The following DENND4C variants were observed in gnomAD, a reference collection of about 807,000 sequenced individuals.
DENND4C encodes the protein DENN domain containing 4C.
Under a neutral mutation model 203.0 loss-of-function variants are expected in DENND4C, and 108 were observed. The ratio of observed to expected loss-of-function variants is 0.53; its 90% CI spans 0.46 to 0.62. The LOEUF (loss-of-function observed/expected upper bound fraction) is 0.62, where lower values mean the gene tolerates loss of function less well. Ranked by LOEUF, DENND4C falls within the 20% of genes least tolerant of loss-of-function variation. The probability of loss-of-function intolerance (pLI) is 0.00; values close to 1 mark genes in which losing one functional copy is unlikely to be tolerated. For missense variants in DENND4C, 2,481 were observed against 2,301.2 expected, an observed-to-expected ratio of 1.08 and a Z score of -1.60; for synonymous variants, 871 against 792.4, an observed-to-expected ratio of 1.10 and a Z score of -1.67.
intron 10 of DENND4C, among the ~76,000 whole-genome samples, chr9:19,305,995 A>G (rs865833617): frequency 3.3e-5 from 5 of 152,222 alleles, no homozygotes; most frequent in South Asian, 2.1e-4. Flanking sequence ...ACTGCTTAGA[A>G]ATTTATATTA....
chr9:19,319,864 T>A (rs938564024), intron 12 of DENND4C, among the ~76,000 whole-genome samples: 1 of 152,198 alleles, frequency 6.6e-6, no homozygotes, highest in Non-Finnish European at 1.5e-5. Flanking sequence ...TAACAAGGAA[T>A]ATTAGTGTCC....
intron 27 of DENND4C, 142 bp from the exon 28 acceptor site, chr9:19,357,823 A>G (rs758906177): frequency 6.4e-5 from 43 of 670,408 alleles, no homozygotes; most frequent in Non-Finnish European, 9.4e-5. Context: ...GGTTGAAGGA[A>G]ATGCAATTCT....
At chr9:19,282,315 G>T (rs1463155185) in intron 2 of DENND4C, among the ~76,000 whole-genome samples, 5 of 149,984 alleles carry the variant, frequency 3.3e-5, no homozygotes, top group Non-Finnish European at 7.4e-5. Flanking sequence ...GAGTGTAGTG[G>T]TATAGTCTAG....
intron 1 of DENND4C, among the ~76,000 whole-genome samples, chr9:19,267,004 A>G (rs1343227821): frequency 6.6e-6 from 1 of 152,052 alleles, no homozygotes; most frequent in African/African-American, 2.4e-5. Flanking sequence ...TGTTTTTTTT[A>G]ATTTTAAGAC....
At chr9:19,274,733 A>G (rs1428552731) in intron 1 of DENND4C, among the ~76,000 whole-genome samples, 1 of 152,204 alleles carries the variant, frequency 6.6e-6, no homozygotes, top group Non-Finnish European at 1.5e-5. Context: ...GGAAAGTTTA[A>G]TTCTTATAAA....
At chr9:19,369,775 AAAAAT>A in intron 30 of DENND4C, 57 bp from the exon 31 acceptor site, 1 of 1,032,868 alleles carries the variant, frequency 9.7e-7, no homozygotes, top group Non-Finnish European at 1.2e-6. Context: ...TCAAAAAAAA[AAAAAT>A]AATAATAATA....
intron 10 of DENND4C, among the ~76,000 whole-genome samples, chr9:19,310,173 C>A (rs1208804928): frequency 6.6e-6 from 1 of 152,082 alleles, no homozygotes; most frequent in Non-Finnish European, 1.5e-5. Flanking sequence ...TGTATATTAT[C>A]TTCAATTTTC....
intron 16 of DENND4C, among the ~76,000 whole-genome samples, chr9:19,330,160 A>G (rs1459118465): frequency 6.6e-6 from 1 of 152,092 alleles, no homozygotes; most frequent in Non-Finnish European, 1.5e-5. Flanking sequence ...CTAAAACGAG[A>G]AAATTTTGCT....
In DENND4C at chr9:19,245,479, A is replaced by AAAAAG. The variant is rs1564081108; in HGVS notation, c.-18+14646_-18+14647insAAAAG. ...AAGACTCAGTCTCAAAAAAAAAAAA[A>AAAAAG]TGTGTTCCAGGTGGCTCCAATGTAT... On this transcript the variant is annotated intron_variant, in intron 1 of 32. Coordinates refer to ENST00000434457, the MANE Select transcript of DENND4C (RefSeq NM_001330640.2). 3.3e-5 allele frequency among the ~76,000 whole-genome samples: 5 copies of AAAAAG among 150,178 alleles called. 1 individual carries two copies. The highest frequency in any genetic ancestry group is 4.4e-5 in the Non-Finnish European group (3 of 67,444).
chr9:19,364,504 A>T lies in DENND4C; in HGVS notation c.5524+2541A>T, dbSNP rs1319649523. 2.0e-5 allele frequency among the ~76,000 whole-genome samples: 3 copies of T among 152,260 alleles called. 1 individual carries two copies. ...TTTTTTTTTCTTTTGAGACAGGGTC[A>T]TGTCTCTATCTAGCACCCTGCTCAT... is the stretch of plus-strand genomic sequence containing the variant. On this transcript the variant is annotated intron_variant, in intron 30 of 32. Transcript: ENST00000434457.
At chr9:19,353,692 G>C (rs1824703387) in intron 26 of DENND4C, among the ~76,000 whole-genome samples, 2 of 151,896 alleles carry the variant, frequency 1.3e-5, no homozygotes, top group African/African-American at 4.8e-5. Context: ...CAGTACTTTG[G>C]GAGGCCGAGG....
intron 2 of DENND4C, among the ~76,000 whole-genome samples, chr9:19,281,223 C>G (rs536855653): frequency 6.9e-6 from 1 of 144,428 alleles, no homozygotes; most frequent in South Asian, 2.2e-4. Flanking sequence ...TCATACACAT[C>G]TTGCAGTTCC....
At chr9:19,265,043 T>A (rs2130723387) in intron 1 of DENND4C, among the ~76,000 whole-genome samples, 1 of 152,288 alleles carries the variant, frequency 6.6e-6, no homozygotes, top group Admixed American at 6.5e-5. Context: ...TGAGACAAGG[T>A]CTCACTCTGT....
intron 15 of DENND4C, among the ~76,000 whole-genome samples, chr9:19,327,773 A>AG (rs897850930): frequency 6.6e-5 from 10 of 152,084 alleles, no homozygotes; most frequent in African/African-American, 9.7e-5. Flanking sequence ...TCTCCCTTTA[A>AG]GTAAGATATC....
rs1055149344 is a variant in DENND4C at position 19,252,406 on chromosome 9, G to C, written c.-18+21573G>C. 2.0e-5 allele frequency among the ~76,000 whole-genome samples: 3 copies of C among 151,916 alleles called. No homozygotes were observed. The East Asian group carries it at 5.8e-4, about 29-fold the overall frequency. The stretch of plus-strand genomic sequence containing the variant: ...ATTTGGGTGGGAACACAGCCAAACC[G>C]TATCATCTACATTAAAAAAAAGATT... On this transcript the variant is annotated intron_variant, in intron 1 of 32. Transcript: ENST00000434457.
intron 9 of DENND4C, among the ~76,000 whole-genome samples, chr9:19,302,057 G>GA (rs1256626895): frequency 6.6e-6 from 1 of 152,162 alleles, no homozygotes; most frequent in Non-Finnish European, 1.5e-5. Flanking sequence ...AAGAACAGCT[G>GA]AAAAAAGTGC....
chr9:19,371,347 C>G (rs979173316), intron 31 of DENND4C: 1 of 158,740 alleles, frequency 6.3e-6, no homozygotes, highest in Non-Finnish European at 1.4e-5. Flanking sequence ...AGAAATTAAT[C>G]TGTTACTTTG....
chr9:19,364,320 T>C, intron 30 of DENND4C, among the ~76,000 whole-genome samples: 1 of 152,242 alleles, frequency 6.6e-6, no homozygotes, highest in East Asian at 1.9e-4. Context: ...TCATATACTT[T>C]TAGATGTGTA....
intron 2 of DENND4C, among the ~76,000 whole-genome samples, chr9:19,277,358 T>A (rs1467987061): frequency 6.6e-6 from 1 of 152,222 alleles, no homozygotes; most frequent in Non-Finnish European, 1.5e-5. Context: ...TCTTCTTTAA[T>A]TTCTTTCAGC....
Sources: allele counts gnomAD v4.1 joint callset (sites outside exome capture counted in the v4.1 genomes callset), GRCh38; gene constraint gnomAD v4.1.1; transcripts MANE v1.5; gene names NCBI Gene and HGNC (gene_info 2026-07-23, HGNC 2026-07-21).